Variants in KHDRBS2 observed in about 807,000 individuals in gnomAD.
KHDRBS2 encodes KH RNA binding domain containing, signal transduction associated 2, also known as KH domain-containing, RNA-binding, signal transduction-associated protein 2.
Under a neutral mutation model 44.3 loss-of-function variants are expected in KHDRBS2, and 26 were observed. The observed-to-expected ratio is 0.59, with a 90% confidence interval of 0.43 to 0.81. KHDRBS2 has a LOEUF of 0.81. Ranked by LOEUF, KHDRBS2 falls within the 40% of genes least tolerant of loss-of-function variation. The pLI is 0.00. For synonymous variants in KHDRBS2, 194 were observed against 151.1 expected (o/e 1.28, Z -2.08); for missense variants, 476 against 433.1 (o/e 1.10, Z -0.88).
chr6:61,561,313 G>T, the KHDRBS2 span, among the ~76,000 whole-genome samples: 16 of 152,270 alleles, frequency 1.1e-4, 1 homozygote, highest in South Asian at 3.3e-3. Flanking sequence ...CACTGAGTCA[G>T]ACCTGAAGCT....
At chr6:61,544,978 C>G in the KHDRBS2 span, among the ~76,000 whole-genome samples, 8 of 151,798 alleles carry the variant, frequency 5.3e-5, no homozygotes, top group African/African-American at 1.9e-4. Context: ...ATACCTAATG[C>G]TAAATGACGA....
the KHDRBS2 span, among the ~76,000 whole-genome samples, chr6:61,592,367 C>G: frequency 1.3e-5 from 2 of 152,012 alleles, no homozygotes; most frequent in East Asian, 3.9e-4. Context: ...CATGGCAAAA[C>G]AGGTTATGGG....
intron 6 of KHDRBS2, among the ~76,000 whole-genome samples, chr6:61,801,683 G>C (rs1406077949): frequency 6.6e-6 from 1 of 152,094 alleles, no homozygotes; most frequent in East Asian, 1.9e-4. Context: ...AAAACTTCCT[G>C]AGTGTTTATA....
intron 2 of KHDRBS2, among the ~76,000 whole-genome samples, chr6:62,147,217 G>A (rs1294607420): frequency 1.3e-5 from 2 of 151,858 alleles, no homozygotes; most frequent in African/African-American, 2.4e-5. Context: ...TTTCTAGGAT[G>A]ATCAATCTTA....
chr6:62,021,703 A>T (rs1782347517), intron 3 of KHDRBS2, among the ~76,000 whole-genome samples: 1 of 151,644 alleles, frequency 6.6e-6, no homozygotes, highest in Non-Finnish European at 1.5e-5. Context: ...AAAATCAAAG[A>T]TCTTTTGATA....
chr6:62,285,349 T>C (rs1354155138), intron 1 of KHDRBS2, among the ~76,000 whole-genome samples: 1 of 152,178 alleles, frequency 6.6e-6, no homozygotes, highest in Non-Finnish European at 1.5e-5. Context: ...AACATACATA[T>C]AAGAACATGC....
intron 6 of KHDRBS2, among the ~76,000 whole-genome samples, chr6:61,743,624 AT>A (rs1047701411): frequency 4.3e-4 from 66 of 152,084 alleles, no homozygotes; most frequent in Admixed American, 1.4e-3. Context: ...TCCTTATTTT[AT>A]TTTTTTAATT....
the KHDRBS2 span, among the ~76,000 whole-genome samples, chr6:61,647,295 G>T: frequency 6.6e-6 from 1 of 151,964 alleles, no homozygotes; most frequent in Admixed American, 6.6e-5. Flanking sequence ...GTGTGTGAGG[G>T]TTTTCATACT....
At chr6:61,879,286 A>G (rs1799884420) in intron 6 of KHDRBS2, among the ~76,000 whole-genome samples, 1 of 151,952 alleles carries the variant, frequency 6.6e-6, no homozygotes, top group African/African-American at 2.4e-5. Flanking sequence ...ATATCAGCAT[A>G]TATCTAACAA....
At chr6:61,878,851 G>A (rs946008478) in intron 6 of KHDRBS2, among the ~76,000 whole-genome samples, 7 of 151,904 alleles carry the variant, frequency 4.6e-5, no homozygotes, top group African/African-American at 1.7e-4. Context: ...TTTGTAAAAT[G>A]GGCATAATAC....
Position 61,735,159 on chromosome 6 carries a change from T to C in KHDRBS2, c.811-2395A>G, listed in dbSNP as rs151093375. 7.2e-5 allele frequency among the ~76,000 whole-genome samples: 11 copies of C among 152,264 alleles called. No individual in the cohort carries two copies. In the East Asian group the frequency reaches 2.1e-3, roughly 29 times the overall value. ...TGTTTTCATTTTTTTGGTGATAAAT[T>C]TAAATTATACAAAAGTTGGAACAAG... On this transcript the variant is annotated intron_variant, in intron 6 of 8. Coordinates refer to ENST00000281156, the MANE Select transcript of KHDRBS2 (RefSeq NM_152688.4).
rs772254952 is a variant in KHDRBS2, at chr6:62,211,730, T to C, written c.92-34418A>G. 2.0e-5 allele frequency among the ~76,000 whole-genome samples: 3 copies of C among 152,174 alleles called. No individual in the cohort carries two copies. In the South Asian group the frequency reaches 6.2e-4, roughly 32 times the overall value. On this transcript the variant is annotated intron_variant, in intron 1 of 8. Transcript: ENST00000281156. ...GTGGGAATGTAAATTAGTTCAACCATTGTGGAAGACAGTGGGGCGATACCT... is the reference window on the plus strand; with the variant it reads ...GTGGGAATGTAAATTAGTTCAACCACTGTGGAAGACAGTGGGGCGATACCT...
the KHDRBS2 span, among the ~76,000 whole-genome samples, chr6:61,636,058 T>C: frequency 2.4e-4 from 36 of 152,200 alleles, no homozygotes; most frequent in East Asian, 6.8e-3. Flanking sequence ...GAAATACATA[T>C]TCCACAATAT....
chr6:62,152,810 G>A (rs962841280), intron 2 of KHDRBS2, among the ~76,000 whole-genome samples: 19 of 152,180 alleles, frequency 1.2e-4, no homozygotes, highest in Admixed American at 1.2e-3. Context: ...ATCCTCAGGA[G>A]TGACTGAGAA....
the KHDRBS2 span, among the ~76,000 whole-genome samples, chr6:61,614,513 C>T: frequency 1.3e-5 from 2 of 152,128 alleles, no homozygotes; most frequent in African/African-American, 4.8e-5. Context: ...GTCTGTATAA[C>T]AGTAGTTTCA....
chr6:61,846,361 G>T (rs1473890243), intron 6 of KHDRBS2, among the ~76,000 whole-genome samples: 1 of 152,138 alleles, frequency 6.6e-6, no homozygotes, highest in African/African-American at 2.4e-5. Context: ...TCTAACCACA[G>T]TTGCTACCTT....
intron 6 of KHDRBS2, among the ~76,000 whole-genome samples, chr6:61,880,970 A>ATG (rs1562360777): frequency 6.6e-6 from 1 of 151,744 alleles, no homozygotes; most frequent in African/African-American, 2.4e-5. Flanking sequence ...TAACTAAAAA[A>ATG]TAAAAGGTAG....
intron 1 of KHDRBS2, among the ~76,000 whole-genome samples, chr6:62,274,065 A>G (rs1463288342): frequency 7.9e-5 from 12 of 152,060 alleles, no homozygotes; most frequent in Admixed American, 2.0e-4. Context: ...TCTCCTGAGT[A>G]GCAGGGACTA....
intron 1 of KHDRBS2, among the ~76,000 whole-genome samples, chr6:62,196,346 AAG>A (rs1380113499): frequency 6.6e-6 from 1 of 152,126 alleles, no homozygotes. Context: ...ACTTCCCAAT[AAG>A]TATACTTCCA....
Sources: allele counts gnomAD v4.1 joint callset (sites outside exome capture counted in the v4.1 genomes callset), GRCh38; gene constraint gnomAD v4.1.1; transcripts MANE v1.5; gene names NCBI Gene and HGNC (gene_info 2026-07-23, HGNC 2026-07-21).